GPC5: variants seen among roughly 807,000 people sequenced by gnomAD.
GPC5 encodes the protein glypican-5.
Under a neutral mutation model 53.9 loss-of-function variants are expected in GPC5, and 47 were observed. The observed-to-expected ratio is 0.87, with a 90% CI of 0.69 to 1.11. GPC5 has a LOEUF of 1.11. GPC5 is among the 50% of genes most tolerant of loss of function. The pLI is 0.00. For missense variants in GPC5, 748 were observed against 713.1 expected, an observed-to-expected ratio of 1.05 and a Z score of -0.56; for synonymous variants, 286 against 263.3, an observed-to-expected ratio of 1.09 and a Z score of -0.84.
chr13:91,512,125 A>C (rs1478424539), intron 2 of GPC5, among the ~76,000 whole-genome samples: 1 of 152,220 alleles, frequency 6.6e-6, no homozygotes, highest in Non-Finnish European at 1.5e-5. Context: ...TCTTTTCATT[A>C]GCAGAGCTTG....
intron 6 of GPC5, among the ~76,000 whole-genome samples, chr13:92,033,595 T>C (rs2040870495): frequency 6.6e-6 from 1 of 152,256 alleles, no homozygotes; most frequent in Non-Finnish European, 1.5e-5. Flanking sequence ...GCAATATTTA[T>C]ATCTTTTAAA....
intron 1 of GPC5, among the ~76,000 whole-genome samples, chr13:91,421,440 T>C (rs967199110): frequency 6.6e-6 from 1 of 152,320 alleles, no homozygotes; most frequent in East Asian, 1.9e-4. Flanking sequence ...TACTTACCAA[T>C]GTGGAACTCA....
chr13:92,856,042 C>T (rs1236275778), intron 7 of GPC5, among the ~76,000 whole-genome samples: 4 of 151,802 alleles, frequency 2.6e-5, no homozygotes, highest in African/African-American at 9.7e-5. Flanking sequence ...CAAAACCTGG[C>T]AAAAACACAA....
chr13:92,714,793 C>G (rs556448750), intron 7 of GPC5, among the ~76,000 whole-genome samples: 1 of 152,258 alleles, frequency 6.6e-6, no homozygotes, highest in South Asian at 2.1e-4. Flanking sequence ...TTAGGCCAGG[C>G]ACGGTGGCTC....
At chr13:91,648,973 G>A (rs1401630755) in intron 2 of GPC5, among the ~76,000 whole-genome samples, 3 of 152,142 alleles carry the variant, frequency 2.0e-5, no homozygotes, top group South Asian at 2.1e-4. Flanking sequence ...GTCATGGGAG[G>A]GACCCAGTGG....
chr13:92,549,884 T>TACACACACAC lies in GPC5; in HGVS notation c.1562-316370_1562-316361dup, dbSNP rs34914341. On this transcript the variant is annotated intron_variant, in intron 7 of 7. Transcript: ENST00000377067. The stretch of plus-strand genomic sequence containing the variant: ...AAGTTTCTTTTACCAAACACACACA[T>TACACACACAC]ACACACACACACACACACACACACA... Among the ~76,000 whole-genome samples the TACACACACAC allele has an allele frequency of 4.0e-3, 569 of 140,876 alleles. 5 individuals are homozygous for TACACACACAC. The highest frequency in any genetic ancestry group is 0.014 in the African/African-American group (521 of 38,470). The allele number at this position is 140,876 out of a possible 152,430, so 92.4% of individuals were successfully genotyped here.
chr13:92,016,417 G>A (rs1379938892), intron 6 of GPC5, among the ~76,000 whole-genome samples: 1 of 152,158 alleles, frequency 6.6e-6, no homozygotes, highest in African/African-American at 2.4e-5. Context: ...TGACAGTAAT[G>A]TTGAGATTTG....
At chr13:92,166,949 C>CTCTA (rs1566465756) in intron 7 of GPC5, among the ~76,000 whole-genome samples, 1 of 58,284 alleles carries the variant, frequency 1.7e-5, no homozygotes, top group African/African-American at 5.9e-5. Flanking sequence ...CTCTCTCTCT[C>CTCTA]TCTCTCTCAC....
In GPC5 at chr13:91,881,594, A is replaced by C. The variant is rs570726763; in HGVS notation, c.1281-26343A>C. Among the ~76,000 whole-genome samples the C allele has an allele frequency of 1.6e-4, 24 of 152,260 alleles. 1 individual carries two copies. The South Asian group carries it at 5.0e-3, about 32-fold the overall frequency. On this transcript the variant is annotated intron_variant, in intron 5 of 7. Coordinates refer to ENST00000377067, the MANE Select transcript of GPC5 (RefSeq NM_004466.6). Reference sequence around the variant, plus strand: ...CATTTAGACCTTTATACATCTATCTATCTACCCACCCATTTATTAAATTTT... The same window carrying C: ...CATTTAGACCTTTATACATCTATCTCTCTACCCACCCATTTATTAAATTTT...
chr13:92,786,841 G>A (rs149022578), intron 7 of GPC5, among the ~76,000 whole-genome samples: 3,923 of 152,192 alleles, frequency 0.026, 87 homozygotes, highest in Middle Eastern at 0.092. Context: ...GGGTAATGAG[G>A]AAGAAAGGCC....
At chr13:91,989,399 A>G (rs961889526) in intron 6 of GPC5, among the ~76,000 whole-genome samples, 3 of 152,202 alleles carry the variant, frequency 2.0e-5, no homozygotes, top group African/African-American at 7.2e-5. Flanking sequence ...CAAAAGAAGA[A>G]ATTGAACTGA....
intron 6 of GPC5, among the ~76,000 whole-genome samples, chr13:92,111,645 A>G (rs1295042020): frequency 6.6e-6 from 1 of 152,188 alleles, no homozygotes. Context: ...TGCTACACAA[A>G]CTTTGGAAAT....
At chr13:92,856,255 CAT>C (rs1214794955) in intron 7 of GPC5, among the ~76,000 whole-genome samples, 2 of 151,988 alleles carry the variant, frequency 1.3e-5, no homozygotes, top group Non-Finnish European at 2.9e-5. Flanking sequence ...AATAAAAGCA[CAT>C]AGTTATCTCA....
chr13:92,084,278 A>AT (rs1296338063), intron 6 of GPC5, among the ~76,000 whole-genome samples: 6 of 152,054 alleles, frequency 3.9e-5, no homozygotes, highest in African/African-American at 1.2e-4. Context: ...CCAGAACTTA[A>AT]TTTTTTTTAA....
chr13:92,591,395 C>T (rs17267214), intron 7 of GPC5, among the ~76,000 whole-genome samples: 23,550 of 152,128 alleles, frequency 0.15, 2,292 homozygotes, highest in Non-Finnish European at 0.22. Flanking sequence ...CCTTTTCTAC[C>T]CTGGGTGCTT....
chr13:92,420,437 A>G (rs937956500), intron 7 of GPC5, among the ~76,000 whole-genome samples: 3 of 152,120 alleles, frequency 2.0e-5, no homozygotes, highest in African/African-American at 7.2e-5. Flanking sequence ...CAGGCATTCA[A>G]TGCATAATAA....
chr13:91,542,915 G>T (rs1034840512), intron 2 of GPC5, among the ~76,000 whole-genome samples: 12 of 141,302 alleles, frequency 8.5e-5, no homozygotes, highest in African/African-American at 2.9e-4. Flanking sequence ...GGAGTGCAGT[G>T]CCGCGATCTC....
At chr13:92,497,800 G>C (rs186678545) in intron 7 of GPC5, among the ~76,000 whole-genome samples, 7 of 151,894 alleles carry the variant, frequency 4.6e-5, no homozygotes, top group African/African-American at 1.7e-4. Flanking sequence ...ACCTAAAAAG[G>C]TCCTTCACAT....
At chr13:91,474,211 A>G (rs1344810708) in intron 2 of GPC5, among the ~76,000 whole-genome samples, 1 of 152,156 alleles carries the variant, frequency 6.6e-6, no homozygotes, top group Non-Finnish European at 1.5e-5. Context: ...AATCTATTTT[A>G]TTCTTGGCAA....
Sources: allele counts gnomAD v4.1 joint callset (sites outside exome capture counted in the v4.1 genomes callset), GRCh38; gene constraint gnomAD v4.1.1; transcripts MANE v1.5; gene names NCBI Gene and HGNC (gene_info 2026-07-23, HGNC 2026-07-21).